EIPR1: variants seen among roughly 807,000 people sequenced by gnomAD.
EIPR1 encodes the protein EARP complex and GARP complex interacting protein 1.
Under a neutral mutation model 48.1 loss-of-function variants are expected in EIPR1, and 25 were observed. The ratio of observed to expected loss-of-function variants is 0.52; its 90% confidence interval spans 0.38 to 0.73. EIPR1 has a LOEUF of 0.73. EIPR1 is among the 30% of genes least tolerant of loss of function. The pLI is 0.00. For missense variants in EIPR1, 415 were observed against 506.2 expected, an observed-to-expected ratio of 0.82 and a Z score of 1.73; for synonymous variants, 204 against 201.9, an observed-to-expected ratio of 1.01 and a Z score of -0.09.
intron 4 of EIPR1, among the ~76,000 whole-genome samples, chr2:3,223,042 TA>T (rs1665947694): frequency 6.6e-6 from 1 of 152,170 alleles, no homozygotes; most frequent in Non-Finnish European, 1.5e-5. Flanking sequence ...CTCAGGGTCC[TA>T]CAAACTGCCC....
At chr2:3,321,104 C>T (rs1222528782) in intron 3 of EIPR1, among the ~76,000 whole-genome samples, 1 of 152,166 alleles carries the variant, frequency 6.6e-6, no homozygotes, top group Non-Finnish European at 1.5e-5. Flanking sequence ...GGAACGACAC[C>T]ACGCAGCCTC....
At chr2:3,306,978 TA>T (rs1446471506) in intron 3 of EIPR1, among the ~76,000 whole-genome samples, 1 of 152,122 alleles carries the variant, frequency 6.6e-6, no homozygotes, top group East Asian at 1.9e-4. Context: ...TTAATTTATT[TA>T]TTTTTTTGGA....
intron 2 of EIPR1, among the ~76,000 whole-genome samples, chr2:3,352,378 G>A (rs1558315888): frequency 6.6e-6 from 1 of 151,326 alleles, no homozygotes; most frequent in Non-Finnish European, 1.5e-5. Context: ...CACACTGTCT[G>A]TTCCCGACAC....
intron 1 of EIPR1, among the ~76,000 whole-genome samples, chr2:3,359,792 G>A (rs1265862243): frequency 1.3e-5 from 2 of 152,184 alleles, no homozygotes; most frequent in Non-Finnish European, 2.9e-5. Flanking sequence ...AATTTTTATA[G>A]TATAATATGT....
At chr2:3,196,066 G>A (rs1420789676) in intron 6 of EIPR1, among the ~76,000 whole-genome samples, 1 of 152,238 alleles carries the variant, frequency 6.6e-6, no homozygotes, top group African/African-American at 2.4e-5. Context: ...CACGGGCTGA[G>A]TCTGTGGTTT....
intron 4 of EIPR1, among the ~76,000 whole-genome samples, chr2:3,251,710 T>C (rs952562783): frequency 1.3e-5 from 2 of 152,226 alleles, no homozygotes; most frequent in African/African-American, 4.8e-5. Flanking sequence ...AAATGCTTAA[T>C]TCCCATATAC....
At chr2:3,267,690 A>G (rs1292036092) in intron 3 of EIPR1, among the ~76,000 whole-genome samples, 1 of 152,254 alleles carries the variant, frequency 6.6e-6, no homozygotes, top group East Asian at 1.9e-4. Context: ...GACCTACATC[A>G]AGACTCAGGC....
rs79643525 is a variant in EIPR1, at chr2:3,331,309, C to G, written c.259+6708G>C. 3.9e-3 allele frequency among the ~76,000 whole-genome samples: 240 copies of G among 60,884 alleles called. 7 individuals carry two copies. The highest frequency in any genetic ancestry group is 5.1e-3 in the African/African-American group (49 of 9,604). 39.9% of individuals were successfully genotyped at this position (60,884 alleles called of 152,430 possible). A position where few individuals can be genotyped will look rare whatever the true frequency, so the allele number is the denominator to read the frequency against. On this transcript the variant is annotated intron_variant, in intron 3 of 8. Transcript: ENST00000382125. ...TGTGTATACACTCATGAGATGGTTT[C>G]AGCAGAGGCAGGTGTGTATACACTC...
At chr2:3,287,081 G>A (rs1368632462) in intron 3 of EIPR1, among the ~76,000 whole-genome samples, 3 of 152,116 alleles carry the variant, frequency 2.0e-5, no homozygotes, top group African/African-American at 7.2e-5. Context: ...GCCGGCAGAG[G>A]GGGTGGTGGG....
chr2:3,268,585 T>C (rs1667567664), intron 3 of EIPR1, among the ~76,000 whole-genome samples: 1 of 152,146 alleles, frequency 6.6e-6, no homozygotes, highest in Non-Finnish European at 1.5e-5. Flanking sequence ...ACTTCCCTGT[T>C]TAACCTGCTC....
intron 5 of EIPR1, among the ~76,000 whole-genome samples, chr2:3,198,462 C>T (rs890171202): frequency 5.3e-5 from 8 of 152,208 alleles, no homozygotes; most frequent in African/African-American, 9.6e-5. Context: ...CCTCCCACTC[C>T]GAAAGCCTGC....
intron 4 of EIPR1, among the ~76,000 whole-genome samples, chr2:3,214,791 T>C (rs1336806692): frequency 6.6e-6 from 1 of 152,222 alleles, no homozygotes; most frequent in African/African-American, 2.4e-5. Flanking sequence ...TACGAATGCA[T>C]AGTGCTTCTA....
At chr2:3,371,042 G>A (rs530698495) in intron 1 of EIPR1, among the ~76,000 whole-genome samples, 29 of 152,270 alleles carry the variant, frequency 1.9e-4, no homozygotes, top group South Asian at 1.5e-3. Context: ...CGGATCTCTC[G>A]GCAGAAACTC....
chr2:3,285,385 G>C (rs1027178408), intron 3 of EIPR1, among the ~76,000 whole-genome samples: 1 of 117,722 alleles, frequency 8.5e-6, no homozygotes, highest in East Asian at 2.8e-4. Flanking sequence ...AACACCCACC[G>C]CCTGCCCAGC....
chr2:3,332,930 G>A (rs1669942214), intron 3 of EIPR1, among the ~76,000 whole-genome samples: 1 of 152,238 alleles, frequency 6.6e-6, no homozygotes, highest in African/African-American at 2.4e-5. Flanking sequence ...TAAGCTAGGA[G>A]AGATGGATGT....
intron 3 of EIPR1, among the ~76,000 whole-genome samples, chr2:3,269,625 G>A (rs62121464): frequency 0.66 from 80,015 of 121,000 alleles, 28,139 homozygotes; most frequent in East Asian, 0.82. Context: ...CACAATCATC[G>A]CACTCAATCA....
chr2:3,253,522 A>G (rs1226439874), intron 4 of EIPR1, among the ~76,000 whole-genome samples: 1 of 152,148 alleles, frequency 6.6e-6, no homozygotes, highest in Non-Finnish European at 1.5e-5. Context: ...CGTTTCAGGG[A>G]TGAAGGTTTG....
chr2:3,358,949 C>T (rs750099080), intron 1 of EIPR1, among the ~76,000 whole-genome samples: 1 of 152,214 alleles, frequency 6.6e-6, no homozygotes, highest in Admixed American at 6.5e-5. Context: ...TTATTTTCCA[C>T]AGAAAAGCTT....
intron 4 of EIPR1, among the ~76,000 whole-genome samples, chr2:3,237,623 G>T (rs1174321866): frequency 6.6e-6 from 1 of 152,176 alleles, no homozygotes; most frequent in Non-Finnish European, 1.5e-5. Flanking sequence ...AGATCACATG[G>T]AACGCGCTAA....
Sources: gnomAD v4.1 joint callset for allele counts (sites outside exome capture counted in the v4.1 genomes callset) on GRCh38, gnomAD v4.1.1 for gene constraint, MANE v1.5 for transcripts, NCBI Gene and HGNC (gene_info 2026-07-23, HGNC 2026-07-21) for gene names.